Variants in PTPRM observed in about 807,000 individuals in gnomAD.
The protein encoded by PTPRM is receptor-type tyrosine-protein phosphatase mu.
In PTPRM, 47 loss-of-function variants were observed where a neutral mutation model predicts 186.7. The ratio of observed to expected loss-of-function variants is 0.25; its 90% CI spans 0.20 to 0.32. The LOEUF is 0.32. Ranked by LOEUF, PTPRM falls within the 10% of genes least tolerant of loss-of-function variation. The pLI, the probability that PTPRM is intolerant of heterozygous loss-of-function variation, is 1.00. For missense variants in PTPRM, 1,494 were observed against 1,865.0 expected, an observed-to-expected ratio of 0.80 and a Z score of 3.66; for synonymous variants, 668 against 674.9, an observed-to-expected ratio of 0.99 and a Z score of 0.16.
intron 1 of PTPRM, among the ~76,000 whole-genome samples, chr18:7,710,898 T>C (rs2040198044): frequency 6.6e-6 from 1 of 152,106 alleles, no homozygotes; most frequent in Admixed American, 6.5e-5. Flanking sequence ...GAAGATATTA[T>C]AAGTGACACA....
chr18:8,027,821 TAAA>T (rs2085664790), intron 7 of PTPRM, among the ~76,000 whole-genome samples: 1 of 152,136 alleles, frequency 6.6e-6, no homozygotes, highest in Non-Finnish European at 1.5e-5. Context: ...AAATTGCAAA[TAAA>T]GAAGTAGAAT....
chr18:8,001,975 C>G (rs1030317345), intron 7 of PTPRM, among the ~76,000 whole-genome samples: 4 of 152,182 alleles, frequency 2.6e-5, no homozygotes, highest in African/African-American at 9.7e-5. Context: ...TCTGCCTCAG[C>G]TAATGCCATT....
intron 2 of PTPRM, among the ~76,000 whole-genome samples, chr18:7,778,684 T>C (rs2042710300): frequency 6.6e-6 from 1 of 152,136 alleles, no homozygotes; most frequent in Non-Finnish European, 1.5e-5. Context: ...TTCACGGTGT[T>C]GGCCAGGCTG....
chr18:8,046,070 A>T (rs923825744), intron 7 of PTPRM, among the ~76,000 whole-genome samples: 1 of 151,984 alleles, frequency 6.6e-6, no homozygotes, highest in Non-Finnish European at 1.5e-5. Context: ...CATGATAGTG[A>T]GTGAGTTTCA....
intron 7 of PTPRM, among the ~76,000 whole-genome samples, chr18:7,987,196 C>T (rs985524911): frequency 6.6e-6 from 1 of 152,098 alleles, no homozygotes; most frequent in Non-Finnish European, 1.5e-5. Context: ...CTCTACTGCC[C>T]ACAGTAGATC....
intron 1 of PTPRM, among the ~76,000 whole-genome samples, chr18:7,626,551 TC>T (rs2038067078): frequency 6.6e-6 from 1 of 151,800 alleles, no homozygotes; most frequent in Non-Finnish European, 1.5e-5. Flanking sequence ...TATGACCCTC[TC>T]CCCTCTCCCA....
At chr18:8,229,369 A>C (rs996046318) in intron 14 of PTPRM, among the ~76,000 whole-genome samples, 9 of 152,182 alleles carry the variant, frequency 5.9e-5, no homozygotes, top group Non-Finnish European at 1.2e-4. Context: ...GATTCTTTTG[A>C]AATTAAAGAG....
intron 31 of PTPRM, 136 bp from the exon 32 acceptor site, chr18:8,394,340 A>G (rs2095834786): frequency 1.1e-6 from 1 of 924,568 alleles, no homozygotes; most frequent in Non-Finnish European, 1.5e-6. Flanking sequence ...GAATCTGCCC[A>G]GGTAAGAGGT....
chr18:7,623,972 A>G (rs769287458), intron 1 of PTPRM, among the ~76,000 whole-genome samples: 3 of 152,182 alleles, frequency 2.0e-5, no homozygotes, highest in South Asian at 2.1e-4. Context: ...GAGAAGGACT[A>G]TAGAAAATCA....
chr18:7,937,849 G>A (rs1259255693), intron 5 of PTPRM, among the ~76,000 whole-genome samples: 3 of 152,248 alleles, frequency 2.0e-5, no homozygotes, highest in Admixed American at 6.5e-5. Flanking sequence ...AGTCCATTGC[G>A]CTTAATATCT....
intron 10 of PTPRM, 21 bp from the exon 11 acceptor site, chr18:8,088,728 A>G: frequency 6.4e-7 from 1 of 1,556,880 alleles, no homozygotes; most frequent in Non-Finnish European, 8.9e-7. Context: ...TGAGTCTCCC[A>G]TTCTACGCCT....
At chr18:7,576,446 C>A (rs1170497107) in intron 1 of PTPRM, among the ~76,000 whole-genome samples, 2 of 152,090 alleles carry the variant, frequency 1.3e-5, no homozygotes, top group African/African-American at 2.4e-5. Flanking sequence ...AGGAATTGGA[C>A]CACACCCTTT....
At chr18:8,390,057 G>A (rs1037287171) in intron 31 of PTPRM, among the ~76,000 whole-genome samples, 8 of 152,246 alleles carry the variant, frequency 5.3e-5, no homozygotes, top group African/African-American at 1.4e-4. Context: ...AACAGCTGCC[G>A]AAAGTATTAG....
At chr18:7,874,912 G>A (rs2048158588) in intron 2 of PTPRM, among the ~76,000 whole-genome samples, 1 of 152,172 alleles carries the variant, frequency 6.6e-6, no homozygotes, top group African/African-American at 2.4e-5. Context: ...TTCACAAATG[G>A]CCTGGCGCAG....
intron 1 of PTPRM, among the ~76,000 whole-genome samples, chr18:7,631,698 T>G (rs1371968395): frequency 6.6e-6 from 1 of 152,152 alleles, no homozygotes; most frequent in African/African-American, 2.4e-5. Flanking sequence ...GTTTTATGTG[T>G]GGCCCAAGAC....
intron 2 of PTPRM, among the ~76,000 whole-genome samples, chr18:7,791,179 A>G (rs1441645931): frequency 6.6e-6 from 1 of 152,172 alleles, no homozygotes; most frequent in African/African-American, 2.4e-5. Context: ...ATGTCTATCG[A>G]CTTACTGAGA....
At chr18:8,044,921 T>C (rs1234843669) in intron 7 of PTPRM, among the ~76,000 whole-genome samples, 1 of 152,134 alleles carries the variant, frequency 6.6e-6, no homozygotes, top group Non-Finnish European at 1.5e-5. Flanking sequence ...TGTAAAATAA[T>C]ACACCCACTT....
In PTPRM at chr18:8,088,759, G is replaced by C; in HGVS notation, c.1764G>C (p.Met588Ile). ...CGCCTTTTTCCCCAGCACCCTCTAT[G>C]CCAGCTTATGAACTTGAGACACCTT... Reference protein sequence around the residue: ...QFTTKISAPSMPAYELETPLN... With the variant: ...QFTTKISAPSIPAYELETPLN... The change falls in exon 11 of 33, where the codon ATG (methionine) becomes ATC (isoleucine). Residue 588 changes from methionine to isoleucine, a missense_variant. Met to Ile is a conservative substitution (Grantham distance 10, BLOSUM62 1). This residue lies in a region of PTPRM where 1,107 missense variants were observed against 1,350.2 expected (regional missense o/e 0.82). Transcript: ENST00000580170. 1 of 1,611,656 alleles carries C rather than the reference G, an allele frequency of 6.2e-7. No homozygotes were observed. Among genetic ancestry groups the C allele is most frequent in the Non-Finnish European group, 8.5e-7 (1 of 1,178,024 alleles).
chr18:8,213,097 G>A (rs1024019320), intron 14 of PTPRM, among the ~76,000 whole-genome samples: 1 of 152,224 alleles, frequency 6.6e-6, no homozygotes, highest in Non-Finnish European at 1.5e-5. Context: ...TGCACAGCAT[G>A]ATGGGGCACC....
Sources: gnomAD v4.1 joint callset for allele counts (sites outside exome capture counted in the v4.1 genomes callset) on GRCh38, gnomAD v4.1.1 for gene constraint, gnomAD v4.1.1 regional missense constraint, MANE v1.5 for transcripts, NCBI Gene and HGNC (gene_info 2026-07-23, HGNC 2026-07-21) for gene names.